ZNF8: variants seen among roughly 807,000 people sequenced by gnomAD.
ZNF8 encodes zinc finger protein 8, also known as zinc finger protein 272.
ZNF8 carries 9 observed loss-of-function variants against 12.2 expected under a neutral mutation model. The ratio of observed to expected loss-of-function variants is 0.73; its 90% CI spans 0.44 to 1.28. The LOEUF (loss-of-function observed/expected upper bound fraction) is 1.28, where lower values mean the gene tolerates loss of function less well. Ranked by LOEUF, ZNF8 falls within the 50% of genes most tolerant of loss-of-function variation. The pLI, the probability that ZNF8 is intolerant of heterozygous loss-of-function variation, is 0.00. For synonymous variants in ZNF8, 274 were observed against 282.3 expected (o/e 0.97, Z 0.30); for missense variants, 664 against 729.1 (o/e 0.91, Z 1.03).
rs2051444240 is a variant in ZNF8 at position 58,295,011 on chromosome 19, C to A, written c.1203C>A (p.His401Gln). Residue 401 changes from histidine (H) to glutamine (Q), a missense_variant, in exon 4 of 4, where the codon CAC (histidine) becomes CAA (glutamine). By Grantham distance (24) the His-to-Gln change is conservative (BLOSUM62 0). Coordinates refer to ENST00000621650, the MANE Select transcript of ZNF8 (RefSeq NM_021089.3). The stretch of plus-strand genomic sequence containing the variant: ...AGGAGAGGCCCTACGAGTGTAACCA[C>A]TGCGGGAAGGGCTTCAGGCACAGCT... ...HTEERPYECNHCGKGFRHSSS... is the reference protein window; with the variant it reads ...HTEERPYECNQCGKGFRHSSS... 3 of 1,614,122 alleles carry A rather than the reference C, an allele frequency of 1.9e-6. No individual in the cohort carries two copies. Among genetic ancestry groups the A allele is most frequent in the Non-Finnish European group, 2.5e-6 (3 of 1,179,968 alleles).
intron 3 of ZNF8, among the ~76,000 whole-genome samples, chr19:58,288,871 T>C (rs914023847): frequency 1.1e-4 from 17 of 152,194 alleles, no homozygotes; most frequent in African/African-American, 4.1e-4. Flanking sequence ...TTGTCACTGC[T>C]GTTACTTCAG....
At chr19:58,279,197 C>A in intron 1 of ZNF8, 50 bp downstream of exon 1, 1 of 1,541,668 alleles carries the variant, frequency 6.5e-7, no homozygotes, top group Non-Finnish European at 8.7e-7. Flanking sequence ...CAAGCGTCTC[C>A]CGCGCAGACT....
At chr19:58,282,966 CT>C (rs201179087) in intron 1 of ZNF8, among the ~76,000 whole-genome samples, 4 of 147,700 alleles carry the variant, frequency 2.7e-5, no homozygotes, top group East Asian at 2.0e-4. Flanking sequence ...TATTTTATTT[CT>C]TTTTTTTCTC....
In ZNF8 at chr19:58,300,533, A is replaced by G. The variant is rs2051485462; in HGVS notation, c.*4997A>G. 6.6e-6 allele frequency: 1 copy of G among 152,256 alleles called. No homozygotes were observed. Among genetic ancestry groups the G allele is most frequent in the African/African-American group, 2.4e-5 (1 of 41,462 alleles). 9.4% of individuals were successfully genotyped at this position (152,256 alleles called of 1,614,324 possible). On this transcript the variant is annotated 3_prime_UTR_variant, in exon 4 of 4. Coordinates refer to ENST00000621650, the MANE Select transcript of ZNF8 (RefSeq NM_021089.3). ...GCCACCCCTAATAACAACGGGGCTT[A>G]GAAACCTCGTATTTACCTTTCTAAC...
At position 58,286,208 on chromosome 19, in the gene ZNF8, G is replaced by T. The variant is rs1172993452; in HGVS notation, c.289+3G>T. 1 of 1,560,288 alleles carries T rather than the reference G, an allele frequency of 6.4e-7. No individual in the cohort carries two copies. Among genetic ancestry groups the T allele is most frequent in the South Asian group, 1.1e-5 (1 of 89,308 alleles). On this transcript the variant is annotated splice_donor_region_variant and intron_variant, in intron 3 of 3. Coordinates refer to ENST00000621650, the MANE Select transcript of ZNF8 (RefSeq NM_021089.3). Reference sequence around the variant, plus strand: ...AACCACCCAGGGCTGCCATCCAGGTGAGAACCCACTATGTGGGAGCAGCTA... The same window carrying T: ...AACCACCCAGGGCTGCCATCCAGGTTAGAACCCACTATGTGGGAGCAGCTA...
chr19:58,284,238 T>A (rs115386821), intron 1 of ZNF8, among the ~76,000 whole-genome samples: 563 of 151,234 alleles, frequency 3.7e-3, no homozygotes, highest in African/African-American at 0.013. Flanking sequence ...AAAAAAAAAA[T>A]AATAAATTAT....
Position 58,295,311 on chromosome 19 carries a change from G to A in ZNF8, c.1503G>A (p.Arg501=). ...AGCAGCCCCATGGGCGAAGCCGGCG[G>A]CGTGAACAATCCTCGAGCAGGAACT... ...REEQPHGRSR[R]REQSSSRNSH... Residue 501 remains arginine (R), a synonymous_variant, in exon 4 of 4, where the codon CGG becomes CGA. Transcript: ENST00000621650. The A allele has an allele frequency of 6.2e-7, 1 of 1,614,210 alleles. No homozygotes were observed. Among genetic ancestry groups the A allele is most frequent in the Non-Finnish European group, 8.5e-7 (1 of 1,180,028 alleles).
rs1277016980 is a variant in ZNF8 at position 58,286,245 on chromosome 19, C to T, written c.289+40C>T. On this transcript the variant is annotated intron_variant, in intron 3 of 3. Transcript: ENST00000621650. Reference sequence around the variant, plus strand: ...TGTGGGAGCAGCTAATGGGAGCAGCCTAGCAGGTCACTGGAGATGCACTTC... The same window carrying T: ...TGTGGGAGCAGCTAATGGGAGCAGCTTAGCAGGTCACTGGAGATGCACTTC... The T allele has an allele frequency of 1.9e-6, 3 of 1,579,078 alleles. No homozygotes were observed. The African/African-American group carries it at 4.0e-5, about 21-fold the overall frequency.
At chr19:58,280,917 C>T (rs1198697747) in intron 1 of ZNF8, among the ~76,000 whole-genome samples, 1 of 152,204 alleles carries the variant, frequency 6.6e-6, no homozygotes, top group African/African-American at 2.4e-5. Context: ...ATAGTCATAG[C>T]TCCCTTTGTC....
At chr19:58,285,360 C>T (rs2051376769) in intron 1 of ZNF8, among the ~76,000 whole-genome samples, 1 of 152,166 alleles carries the variant, frequency 6.6e-6, no homozygotes, top group Non-Finnish European at 1.5e-5. Flanking sequence ...TGCTGTGTAA[C>T]ACTGTCCTAA....
chr19:58,283,309 T>G (rs933320770), intron 1 of ZNF8, among the ~76,000 whole-genome samples: 1 of 152,118 alleles, frequency 6.6e-6, no homozygotes, highest in Admixed American at 6.6e-5. Context: ...ATATATGATA[T>G]AAGATAGAAG....
Position 58,295,217 on chromosome 19 carries a change from A to T in ZNF8, c.1409A>T (p.Asn470Ile), listed in dbSNP as rs776061776. 8.1e-6 allele frequency: 13 copies of T among 1,614,220 alleles called. No individual in the cohort carries two copies. The highest frequency in any genetic ancestry group is 7.6e-6 in the Non-Finnish European group (9 of 1,180,050). ...THRSDRPFKC[N>I]QCGKCFIQSS... ...CGAAGCGACAGACCCTTCAAATGTA[A>T]TCAGTGTGGGAAGTGTTTCATTCAG... Residue 470 changes from asparagine (N) to isoleucine (I), a missense_variant, in exon 4 of 4, where the codon AAT becomes ATT. Transcript: ENST00000621650.
At chr19:58,283,623 G>C (rs983987341) in intron 1 of ZNF8, among the ~76,000 whole-genome samples, 1 of 131,168 alleles carries the variant, frequency 7.6e-6, no homozygotes, top group Admixed American at 8.3e-5. Context: ...TTTTTGAGTC[G>C]GAGTCTCACT....
chr19:58,291,297 A>G (rs2051418100), intron 3 of ZNF8, among the ~76,000 whole-genome samples: 1 of 152,130 alleles, frequency 6.6e-6, no homozygotes, highest in East Asian at 1.9e-4. Context: ...CGGAGACTCC[A>G]TGGCTTCCCA....
chr19:58,294,695 A>G lies in ZNF8; in HGVS notation c.887A>G (p.Gln296Arg). ...AAGGAGTGTGGGAAAGCCTTCAGCC[A>G]GAACTCCTCCCTCGTCCAGCATGAG... is the stretch of plus-strand genomic sequence containing the variant. The part of the protein sequence containing the change: ...MCKECGKAFS[Q>R]NSSLVQHERI... Residue 296 changes from glutamine (Q) to arginine (R), a missense_variant, in exon 4 of 4, where the codon CAG becomes CGG. By Grantham distance (43) the Gln-to-Arg change is conservative (BLOSUM62 1). This residue lies in a region of ZNF8 where 133 missense variants were observed against 198.4 expected (regional missense o/e 0.67). Coordinates refer to ENST00000621650, the MANE Select transcript of ZNF8 (RefSeq NM_021089.3). The surrounding 1 kb of genome is among the most constrained non-coding windows in gnomAD (Gnocchi z 5.5). 1 of 1,614,188 alleles carries G rather than the reference A, an allele frequency of 6.2e-7. No individual in the cohort carries two copies. The highest frequency in any genetic ancestry group is 2.2e-5 in the East Asian group (1 of 44,882).
In ZNF8 at chr19:58,300,389, G is replaced by A. The variant is rs1275603516; in HGVS notation, c.*4853G>A. ...AGCCATTGCATCCACAGTGAAGACT[G>A]AAAGAAGGGGGAATGGGCAGGCCAA... On this transcript the variant is annotated 3_prime_UTR_variant, in exon 4 of 4. Coordinates refer to ENST00000621650, the MANE Select transcript of ZNF8 (RefSeq NM_021089.3). The A allele has an allele frequency of 6.6e-6, 1 of 152,248 alleles. No individual in the cohort carries two copies. Among genetic ancestry groups the A allele is most frequent in the Non-Finnish European group, 1.5e-5 (1 of 68,058 alleles). 9.4% of individuals were successfully genotyped at this position (152,248 alleles called of 1,614,324 possible).
intron 1 of ZNF8, among the ~76,000 whole-genome samples, chr19:58,283,750 C>T (rs1016925430): frequency 2.6e-5 from 4 of 151,824 alleles, no homozygotes; most frequent in Non-Finnish European, 5.9e-5. Flanking sequence ...CAGACGCCCA[C>T]CACCACGCTC....
chr19:58,279,886 T>G, intron 1 of ZNF8: 1 of 1,065,946 alleles, frequency 9.4e-7, no homozygotes. Context: ...ATACTTTTTT[T>G]TATTTTTTGT....
At chr19:58,285,084 T>C (rs770909360) in intron 1 of ZNF8, among the ~76,000 whole-genome samples, 5 of 152,038 alleles carry the variant, frequency 3.3e-5, no homozygotes, top group Non-Finnish European at 7.4e-5. Flanking sequence ...TGCCTTGCCC[T>C]GAAAGCAGGC....
Sources: allele counts gnomAD v4.1 joint callset (sites outside exome capture counted in the v4.1 genomes callset), GRCh38; gene constraint gnomAD v4.1.1; regional missense constraint gnomAD v4.1.1; non-coding constraint Gnocchi (gnomAD v3.1); transcripts MANE v1.5; gene names NCBI Gene and HGNC (gene_info 2026-07-23, HGNC 2026-07-21).